The following MEMO1 variants were observed in gnomAD, a reference collection of about 807,000 sequenced individuals.
MEMO1 encodes the protein protein MEMO1.
Under a neutral mutation model 45.2 loss-of-function variants are expected in MEMO1, and 6 were observed. The ratio of observed to expected loss-of-function variants is 0.13; its 90% CI spans 0.07 to 0.26. The LOEUF (loss-of-function observed/expected upper bound fraction) is 0.26. MEMO1 is among the 10% of genes least tolerant of loss of function. The probability of loss-of-function intolerance (pLI) is 1.00; values close to 1 mark genes in which losing one functional copy is unlikely to be tolerated. For missense variants in MEMO1, 184 were observed against 370.5 expected (o/e 0.50, Z 4.13); for synonymous variants, 78 against 124.3 (o/e 0.63, Z 2.48).
intron 8 of MEMO1, among the ~76,000 whole-genome samples, chr2:31,880,711 T>A (rs1164959900): frequency 6.6e-6 from 1 of 152,226 alleles, no homozygotes; most frequent in African/African-American, 2.4e-5. Context: ...ATTAAAATAA[T>A]CTGTCAGTGG....
chr2:31,958,809 G>A (rs193047399), intron 2 of MEMO1, among the ~76,000 whole-genome samples: 3 of 152,114 alleles, frequency 2.0e-5, no homozygotes, highest in East Asian at 3.9e-4. Flanking sequence ...GCGACACTAC[G>A]CCTGGTTAAT....
intron 2 of MEMO1, among the ~76,000 whole-genome samples, chr2:32,004,491 C>G (rs1027979381): frequency 3.3e-5 from 5 of 152,152 alleles, no homozygotes; most frequent in African/African-American, 1.2e-4. Context: ...ACACACCCTT[C>G]CAGAATAACT....
At chr2:31,956,311 C>A (rs1021634614) in intron 2 of MEMO1, among the ~76,000 whole-genome samples, 8 of 149,522 alleles carry the variant, frequency 5.4e-5, no homozygotes, top group Admixed American at 2.0e-4. Flanking sequence ...ACTTCCCACA[C>A]AAGGTAGCAC....
intron 6 of MEMO1, among the ~76,000 whole-genome samples, chr2:31,892,684 T>C (rs2147993963): frequency 6.6e-6 from 1 of 152,172 alleles, no homozygotes; most frequent in East Asian, 1.9e-4. Context: ...AATGATCAGA[T>C]ACAAGACAGT....
At chr2:31,872,918 G>C (rs1482993317) in intron 8 of MEMO1, among the ~76,000 whole-genome samples, 1 of 152,056 alleles carries the variant, frequency 6.6e-6, no homozygotes, top group Admixed American at 6.6e-5. Context: ...ATAAAATTTA[G>C]AAATGGAACA....
intron 8 of MEMO1, 103 bp from the exon 9 acceptor site, chr2:31,870,055 C>A: frequency 1.1e-6 from 1 of 906,952 alleles, no homozygotes; most frequent in Non-Finnish European, 1.5e-6. Flanking sequence ...CATAATTCTT[C>A]AATTAGGGAG....
At chr2:31,927,250 G>A (rs1683249176) in intron 4 of MEMO1, among the ~76,000 whole-genome samples, 1 of 152,138 alleles carries the variant, frequency 6.6e-6, no homozygotes, top group Non-Finnish European at 1.5e-5. Context: ...AATCCAGGAG[G>A]TGGAGGTTGC....
intron 5 of MEMO1, among the ~76,000 whole-genome samples, chr2:31,919,837 T>C (rs546638461): frequency 6.6e-6 from 1 of 151,712 alleles, no homozygotes; most frequent in African/African-American, 2.4e-5. Context: ...AACAAAAATA[T>C]ATATATGTGT....
At chr2:31,989,822 A>G (rs750610302) in intron 2 of MEMO1, among the ~76,000 whole-genome samples, 1 of 152,208 alleles carries the variant, frequency 6.6e-6, no homozygotes, top group Non-Finnish European at 1.5e-5. Flanking sequence ...TGGAAAGTCT[A>G]TTAAATAATT....
At chr2:31,877,789 C>A (rs1274944820) in intron 8 of MEMO1, among the ~76,000 whole-genome samples, 1 of 152,040 alleles carries the variant, frequency 6.6e-6, no homozygotes, top group Non-Finnish European at 1.5e-5. Context: ...TGGGCATTTA[C>A]ATTCTTAAAT....
chr2:31,978,966 C>CG (rs1244639230), intron 2 of MEMO1, among the ~76,000 whole-genome samples: 1 of 151,754 alleles, frequency 6.6e-6, no homozygotes, highest in African/African-American at 2.4e-5. Context: ...TCCATCCCCC[C>CG]CCAAAAAAAA....
At chr2:31,987,002 G>C (rs868004013) in intron 2 of MEMO1, among the ~76,000 whole-genome samples, 1 of 152,196 alleles carries the variant, frequency 6.6e-6, no homozygotes, top group South Asian at 2.1e-4. Flanking sequence ...AACAATGGCC[G>C]AAGTTTTCTG....
At chr2:31,960,034 T>C (rs145195787) in intron 2 of MEMO1, among the ~76,000 whole-genome samples, 225 of 152,102 alleles carry the variant, frequency 1.5e-3, no homozygotes, top group African/African-American at 5.2e-3. Flanking sequence ...CCAGCCTGGC[T>C]AAAAGTACAA....
intron 2 of MEMO1, among the ~76,000 whole-genome samples, chr2:31,967,607 C>A (rs1389882441): frequency 1.3e-5 from 2 of 152,040 alleles, no homozygotes; most frequent in Non-Finnish European, 2.9e-5. Context: ...CACCATCACA[C>A]CTGGCTAATT....
rs1682915258 is a variant in MEMO1, at chr2:31,925,300, C to T, written c.213-4390G>A. Among the ~76,000 whole-genome samples the T allele has an allele frequency of 3.3e-5, 5 of 151,780 alleles. No individual in the cohort carries two copies. The South Asian group carries it at 1.0e-3, about 32-fold the overall frequency. ...AGACCATCTGGCTAACATGGTGAAA[C>T]CCCATCTCTACTAAAAATACAAAAA... On this transcript the variant is annotated intron_variant, in intron 4 of 9. Transcript: ENST00000404530.
chr2:31,955,668 G>C (rs925532050), intron 2 of MEMO1, among the ~76,000 whole-genome samples: 1 of 151,940 alleles, frequency 6.6e-6, no homozygotes, highest in African/African-American at 2.4e-5. Context: ...GAGTGCAATG[G>C]GGCGATCTCG....
chr2:31,932,832 A>C (rs956336958), intron 3 of MEMO1, among the ~76,000 whole-genome samples: 3 of 152,144 alleles, frequency 2.0e-5, no homozygotes, highest in Admixed American at 6.5e-5. Flanking sequence ...CAAAACAAAT[A>C]CCCTACAACT....
At chr2:31,919,094 G>A (rs1011392112) in intron 5 of MEMO1, among the ~76,000 whole-genome samples, 3 of 151,608 alleles carry the variant, frequency 2.0e-5, no homozygotes, top group African/African-American at 7.3e-5. Context: ...ATTTTTTCTT[G>A]CAAATGGACT....
intron 5 of MEMO1, among the ~76,000 whole-genome samples, chr2:31,918,574 C>T (rs1358120611): frequency 6.6e-6 from 1 of 152,102 alleles, no homozygotes; most frequent in Non-Finnish European, 1.5e-5. Flanking sequence ...AGAGAAAATT[C>T]TCACTAATGC....
Sources: gnomAD v4.1 joint callset for allele counts (sites outside exome capture counted in the v4.1 genomes callset) on GRCh38, gnomAD v4.1.1 for gene constraint, MANE v1.5 for transcripts, NCBI Gene and HGNC (gene_info 2026-07-23, HGNC 2026-07-21) for gene names.